The following AFP variants were observed in gnomAD, a reference collection of about 807,000 sequenced individuals.
The protein encoded by AFP is alpha-fetoprotein.
AFP carries 64 observed loss-of-function variants against 78.9 expected under a neutral mutation model. That is an observed-to-expected ratio of 0.81 (90% CI 0.66 to 1.00). The LOEUF is 1.00. Ranked by LOEUF, AFP falls within the 50% of genes least tolerant of loss-of-function variation. The probability of loss-of-function intolerance (pLI) is 0.00; values close to 1 mark genes in which losing one functional copy is unlikely to be tolerated. For synonymous variants in AFP, 254 were observed against 243.8 expected (o/e 1.04, Z -0.39); for missense variants, 689 against 703.8 (o/e 0.98, Z 0.24).
At chr4:73,445,249 A>C in intron 7 of AFP, 127 bp downstream of exon 7, 1 of 1,133,944 alleles carries the variant, frequency 8.8e-7, no homozygotes, top group Non-Finnish European at 1.3e-6. Context: ...GTGACTCCTT[A>C]AATTTGCAGA....
chr4:73,441,319 C>A (rs1270403589), intron 4 of AFP, among the ~76,000 whole-genome samples: 1 of 152,000 alleles, frequency 6.6e-6, no homozygotes, highest in Non-Finnish European at 1.5e-5. Flanking sequence ...GTAATCCCAG[C>A]ACTTTGGGAG....
intron 11 of AFP, among the ~76,000 whole-genome samples, chr4:73,451,572 G>A (rs950182062): frequency 6.6e-6 from 1 of 152,200 alleles, no homozygotes; most frequent in Non-Finnish European, 1.5e-5. Flanking sequence ...CTGCAGGGAT[G>A]CAGGATGGTG....
chr4:73,451,943 A>T (rs147307692), intron 11 of AFP, among the ~76,000 whole-genome samples: 1 of 152,316 alleles, frequency 6.6e-6, no homozygotes, highest in Non-Finnish European at 1.5e-5. Flanking sequence ...TTCAATTAGG[A>T]TGATATATTA....
chr4:73,441,725 C>T (rs1456286409), intron 4 of AFP, among the ~76,000 whole-genome samples: 3 of 152,212 alleles, frequency 2.0e-5, no homozygotes, highest in East Asian at 1.9e-4. Context: ...GGTTGGAAGG[C>T]TAAAACAACT....
rs2149336173 is a variant in AFP, at chr4:73,450,150, A to T, written c.1289+17A>T. On this transcript the variant is annotated intron_variant, in intron 10 of 14. Transcript: ENST00000395792. Reference sequence around the variant, plus strand: ...ACAAAATGCGTATGTTTTTGTAAACAGTATTTTTAGTGAATTAAAATTATT... The same window carrying T: ...ACAAAATGCGTATGTTTTTGTAAACTGTATTTTTAGTGAATTAAAATTATT... 1 of 1,552,358 alleles carries T rather than the reference A, an allele frequency of 6.4e-7. No individual in the cohort carries two copies.
intron 7 of AFP, 54 bp from the exon 8 acceptor site, chr4:73,447,408 T>A: frequency 7.3e-7 from 1 of 1,363,066 alleles, no homozygotes. Context: ...GGCTTTGAGA[T>A]CCTTTATTAA....
chr4:73,447,699 G>A (rs760088323), intron 8 of AFP, 23 bp downstream of exon 8: 1 of 1,551,008 alleles, frequency 6.4e-7, no homozygotes, highest in Non-Finnish European at 8.9e-7. Flanking sequence ...GTAAATGCAT[G>A]TTCATGCAAG....
chr4:73,455,736 G>T lies in AFP; in HGVS notation c.*116G>T, dbSNP rs1391578644. 1.5e-6 allele frequency: 1 copy of T among 663,888 alleles called. No individual in the cohort carries two copies. The highest frequency in any genetic ancestry group is 1.8e-5 in the African/African-American group (1 of 54,830). 41.1% of individuals were successfully genotyped at this position (663,888 alleles called of 1,614,324 possible). A position where few individuals can be genotyped will look rare whatever the true frequency, so the allele number is the denominator to read the frequency against. On this transcript the variant is annotated 3_prime_UTR_variant, in exon 15 of 15. Transcript: ENST00000395792. ...TTAATGAAATGATAAAGACTTTTAT[G>T]TGAGATTTCCTTATCACAGAAATAA...
chr4:73,454,063 AT>A (rs1182127704), intron 13 of AFP, among the ~76,000 whole-genome samples, 166 bp downstream of exon 13: 1 of 151,770 alleles, frequency 6.6e-6, no homozygotes, highest in East Asian at 1.9e-4. Context: ...AAATAATCAC[AT>A]TTTCTTGCTT....
In AFP at chr4:73,452,638, A is replaced by C. The variant is rs1451220466; in HGVS notation, c.1652+14A>C. 1 of 1,586,812 alleles carries C rather than the reference A, an allele frequency of 6.3e-7. No homozygotes were observed. Among genetic ancestry groups the C allele is most frequent in the Admixed American group, 1.7e-5 (1 of 59,838 alleles). ...AATGAAGCAAGAGTAAGAAACTGTT[A>C]CTTGCTAGCATGGAAAAGAATGACA... On this transcript the variant is annotated intron_variant, in intron 12 of 14. Coordinates refer to ENST00000395792, the MANE Select transcript of AFP (RefSeq NM_001134.3).
In AFP at chr4:73,452,571, C is replaced by G. The variant is rs745610100; in HGVS notation, c.1599C>G (p.Phe533Leu). ...CATTCTCTGATGACAAGTTCATTTT[C>G]CATAAGGATCTGTGCCAAGCTCAGG... ...PPAFSDDKFIFHKDLCQAQGV... is the reference protein window; with the variant it reads ...PPAFSDDKFILHKDLCQAQGV... The change falls in exon 12 of 15, where the codon TTC becomes TTG. Residue 533 changes from phenylalanine (F) to leucine (L), a missense_variant. Physicochemically the swap from Phe to Leu is conservative, Grantham distance 22. Transcript: ENST00000395792. The G allele has an allele frequency of 5.6e-6, 9 of 1,613,976 alleles. No individual in the cohort carries two copies. The highest frequency in any genetic ancestry group is 7.6e-6 in the Non-Finnish European group (9 of 1,179,962).
intron 3 of AFP, among the ~76,000 whole-genome samples, chr4:73,440,110 A>G (rs1719616622): frequency 2.0e-5 from 3 of 152,236 alleles, no homozygotes; most frequent in Admixed American, 6.5e-5. Context: ...GGTCTGTTAC[A>G]TAGGTAAACA....
intron 11 of AFP, among the ~76,000 whole-genome samples, chr4:73,451,024 C>T (rs531144277): frequency 2.6e-5 from 4 of 152,288 alleles, no homozygotes; most frequent in East Asian, 3.9e-4. Context: ...AAAGACAGAA[C>T]GACCAACATG....
chr4:73,444,325 A>G (rs1435981556), intron 6 of AFP, among the ~76,000 whole-genome samples: 2 of 152,212 alleles, frequency 1.3e-5, no homozygotes, highest in Non-Finnish European at 2.9e-5. Flanking sequence ...TTTGCTATCC[A>G]TAAGTGAAAG....
chr4:73,450,622 G>A lies in AFP; in HGVS notation c.1297G>A (p.Val433Ile), dbSNP rs779308321. 7.3e-5 allele frequency: 118 copies of A among 1,613,986 alleles called. No homozygotes were observed. The highest frequency in any genetic ancestry group is 3.3e-4 in the Middle Eastern group (2 of 6,082). ...AAAAAATGCTTCTTTCAGGTTTCTC[G>A]TTGCTTACACAAAGAAAGCCCCCCA... The part of the protein sequence containing the change: ...GEYYLQNAFL[V>I]AYTKKAPQLT... Residue 433 changes from valine (V) to isoleucine (I), a missense_variant, in exon 11 of 15, where the codon GTT (valine) becomes ATT (isoleucine). Transcript: ENST00000395792.
At position 73,450,732 on chromosome 4, in the gene AFP, AT is replaced by A. The variant is rs767689127; in HGVS notation, c.1409del (p.Leu470TrpfsTer21). 5 of 1,614,122 alleles carry A rather than the reference AT, an allele frequency of 3.1e-6. No homozygotes were observed. The highest frequency in any genetic ancestry group is 2.5e-6 in the Non-Finnish European group (3 of 1,179,996). On this transcript the variant is annotated frameshift_variant, in exon 11 of 15. Coordinates refer to ENST00000395792, the MANE Select transcript of AFP (RefSeq NM_001134.3). LOFTEE classifies it high-confidence loss of function. ...GTTGCCAACTCAGTGAGGACAAACT[AT>A]TGGCCTGTGGCGAGGGAGCGGTGAG... ...TCCQLSEDKL[L>X]ACGEGAADII...
chr4:73,452,427 T>C lies in AFP; in HGVS notation c.1455T>C (p.Cys485=). 6.2e-7 allele frequency: 1 copy of C among 1,614,076 alleles called. No homozygotes were observed. The highest frequency in any genetic ancestry group is 8.5e-7 in the Non-Finnish European group (1 of 1,179,958). ...GAADIIIGHL[C]IRHEMTPVNP... ...CTGACATTATTATCGGACACTTATG[T>C]ATCAGACATGAAATGACTCCAGTAA... The change falls in exon 12 of 15, where the codon TGT becomes TGC. Residue 485 remains cysteine (C), a synonymous_variant. Coordinates refer to ENST00000395792, the MANE Select transcript of AFP (RefSeq NM_001134.3).
At chr4:73,454,409 T>G (rs930777293) in intron 13 of AFP, among the ~76,000 whole-genome samples, 2 of 152,076 alleles carry the variant, frequency 1.3e-5, no homozygotes, top group Non-Finnish European at 2.9e-5. Flanking sequence ...AACCAGGGGA[T>G]TCTACCTAAC....
Position 73,443,443 on chromosome 4 carries a change from A to T in AFP, c.712A>T (p.Ile238Leu). Reference sequence around the variant, plus strand: ...TTTTGGGACCCGAACTTTCCAAGCCATGTAAGTTCAAGTTCTATCTAGGGA... The same window carrying T: ...TTTTGGGACCCGAACTTTCCAAGCCTTGTAAGTTCAAGTTCTATCTAGGGA... The part of the protein sequence containing the change: ...KNFGTRTFQA[I>L]TVTKLSQKFT... The change falls in exon 6 of 15, where the codon ATA becomes TTA. Residue 238 changes from isoleucine to leucine, a missense_variant and splice_region_variant. Transcript: ENST00000395792. The T allele has an allele frequency of 6.2e-7, 1 of 1,601,206 alleles. No individual in the cohort carries two copies. The highest frequency in any genetic ancestry group is 1.1e-5 in the South Asian group (1 of 90,806).
Sources: gnomAD v4.1 joint callset for allele counts (sites outside exome capture counted in the v4.1 genomes callset) on GRCh38, gnomAD v4.1.1 for gene constraint, MANE v1.5 for transcripts, NCBI Gene and HGNC (gene_info 2026-07-23, HGNC 2026-07-21) for gene names.